Variants in SDC2 observed in about 807,000 individuals in gnomAD.
The protein encoded by SDC2 is syndecan 2, also known as syndecan-2.
SDC2 carries 13 observed loss-of-function variants against 22.2 expected under a neutral mutation model. That is an observed-to-expected ratio of 0.59 (90% confidence interval 0.38 to 0.93). SDC2 has a LOEUF of 0.93. Ranked by LOEUF, SDC2 falls within the 40% of genes least tolerant of loss-of-function variation. SDC2 has a pLI of 0.00. For synonymous variants in SDC2, 94 were observed against 92.8 expected, an observed-to-expected ratio of 1.01 and a Z score of -0.07; for missense variants, 235 against 246.8, an observed-to-expected ratio of 0.95 and a Z score of 0.32.
chr8:96,547,017 T>A lies in SDC2; in HGVS notation c.61-46463T>A, dbSNP rs575749119. 5.3e-5 allele frequency among the ~76,000 whole-genome samples: 8 copies of A among 152,344 alleles called. No homozygotes were observed. The East Asian group carries it at 1.4e-3, about 26-fold the overall frequency. On this transcript the variant is annotated intron_variant, in intron 1 of 4. Transcript: ENST00000302190. ...GAGCAAAGCTTTTCTGAACTGGCATTTTCCACTCAGCCTGTAGGCTGCTGT... is the reference window on the plus strand; with the variant it reads ...GAGCAAAGCTTTTCTGAACTGGCATATTCCACTCAGCCTGTAGGCTGCTGT...
chr8:96,505,491 AG>A (rs765780705), intron 1 of SDC2, among the ~76,000 whole-genome samples: 3 of 152,072 alleles, frequency 2.0e-5, no homozygotes, highest in Non-Finnish European at 2.9e-5. Flanking sequence ...TAGTAGAGAC[AG>A]GGTTTCACCA....
At chr8:96,589,229 G>T (rs1814736114) in intron 1 of SDC2, among the ~76,000 whole-genome samples, 1 of 152,104 alleles carries the variant, frequency 6.6e-6, no homozygotes, top group Admixed American at 6.5e-5. Context: ...TCCTCTTAGG[G>T]GTATAATACG....
At chr8:96,512,019 G>A (rs1459979785) in intron 1 of SDC2, among the ~76,000 whole-genome samples, 1 of 152,182 alleles carries the variant, frequency 6.6e-6, no homozygotes, top group African/African-American at 2.4e-5. Context: ...GTTCTTACCT[G>A]CTGGTCCAAG....
chr8:96,537,952 T>TGTTTG (rs55762050), intron 1 of SDC2, among the ~76,000 whole-genome samples: 5,417 of 150,890 alleles, frequency 0.036, 167 homozygotes, highest in African/African-American at 0.076. Context: ...ATGTTTTGTT[T>TGTTTG]TTTGTTTGTT....
chr8:96,509,884 C>G (rs1813302874), intron 1 of SDC2, among the ~76,000 whole-genome samples: 1 of 152,320 alleles, frequency 6.6e-6, no homozygotes, highest in Middle Eastern at 3.4e-3. Flanking sequence ...TCCCTTCCAG[C>G]TTTTTCCTTT....
intron 1 of SDC2, among the ~76,000 whole-genome samples, chr8:96,544,089 G>A (rs1470707660): frequency 6.6e-6 from 1 of 152,082 alleles, no homozygotes; most frequent in Non-Finnish European, 1.5e-5. Flanking sequence ...TAGATGTCTT[G>A]CCCAGTAAGT....
In SDC2 at chr8:96,565,757, A is replaced by G. The variant is rs112150111; in HGVS notation, c.61-27723A>G. ...ATCTGATTGGAAAGGCTGGGTAGAT[A>G]ACTGCAATAAAGAGATTGAATGTAA... On this transcript the variant is annotated intron_variant, in intron 1 of 4. Transcript: ENST00000302190. Among the ~76,000 whole-genome samples, 759 of 152,206 alleles carry G rather than the reference A, an allele frequency of 5.0e-3. 5 individuals carry two copies. Among genetic ancestry groups the G allele is most frequent in the African/African-American group, 0.017 (711 of 41,518 alleles).
chr8:96,549,537 C>A (rs1006239587), intron 1 of SDC2, among the ~76,000 whole-genome samples: 2 of 152,102 alleles, frequency 1.3e-5, no homozygotes, highest in African/African-American at 4.8e-5. Context: ...ACCAATTTGG[C>A]CCCTAATAGG....
In SDC2 at chr8:96,494,177, G is replaced by C. The variant is rs1813009074; in HGVS notation, c.-95G>C. 12 of 1,326,006 alleles carry C rather than the reference G, an allele frequency of 9.0e-6. No homozygotes were observed. The East Asian group carries it at 3.1e-4, about 34-fold the overall frequency. The allele number at this position is 1,326,006 out of a possible 1,614,324, so 82.1% of individuals were successfully genotyped here. ...GCAATCGCTGCGGTACTCTGCTCCG[G>C]ATTCGTGTGCGCGGGCTGCGCCGAG... On this transcript the variant is annotated 5_prime_UTR_variant, in exon 1 of 5. Transcript: ENST00000302190.
intron 1 of SDC2, among the ~76,000 whole-genome samples, chr8:96,542,041 C>T (rs1321495516): frequency 2.0e-5 from 3 of 152,060 alleles, no homozygotes; most frequent in Non-Finnish European, 2.9e-5. Context: ...ATGCTCTGGT[C>T]CTCAGTGCAG....
At chr8:96,528,272 T>A (rs1459113027) in intron 1 of SDC2, among the ~76,000 whole-genome samples, 1 of 152,198 alleles carries the variant, frequency 6.6e-6, no homozygotes, top group African/African-American at 2.4e-5. Flanking sequence ...AAAGAGGATT[T>A]TTTTTAAGCC....
At chr8:96,575,718 G>A (rs1489371347) in intron 1 of SDC2, among the ~76,000 whole-genome samples, 2 of 152,078 alleles carry the variant, frequency 1.3e-5, no homozygotes, top group Admixed American at 1.3e-4. Context: ...TTTCCTGGGG[G>A]TAATATCTAA....
chr8:96,540,296 A>G (rs570227165), intron 1 of SDC2, among the ~76,000 whole-genome samples: 1 of 149,552 alleles, frequency 6.7e-6, no homozygotes, highest in African/African-American at 2.4e-5. Context: ...GTTCAAGACC[A>G]GCTTGGGCAA....
intron 1 of SDC2, among the ~76,000 whole-genome samples, chr8:96,572,982 C>T (rs967424184): frequency 3.3e-5 from 5 of 152,156 alleles, no homozygotes; most frequent in East Asian, 1.9e-4. Context: ...AGTTATGACA[C>T]GGACCAGGAA....
chr8:96,517,866 G>A (rs933663164), intron 1 of SDC2, among the ~76,000 whole-genome samples: 3 of 151,738 alleles, frequency 2.0e-5, no homozygotes, highest in Non-Finnish European at 2.9e-5. Flanking sequence ...AGGTGATTAG[G>A]GAAATGGACA....
chr8:96,565,084 A>T (rs369092814), intron 1 of SDC2, among the ~76,000 whole-genome samples: 101 of 67,804 alleles, frequency 1.5e-3, no homozygotes, highest in South Asian at 2.2e-3. Context: ...CCTAAATTTG[A>T]TTTTTTTTTT....
intron 1 of SDC2, among the ~76,000 whole-genome samples, chr8:96,527,216 G>A (rs1377051551): frequency 6.6e-6 from 1 of 150,592 alleles, no homozygotes; most frequent in Non-Finnish European, 1.5e-5. Context: ...ACAGGTTTGG[G>A]AGCTTCATTA....
chr8:96,572,248 T>C (rs958102848), intron 1 of SDC2, among the ~76,000 whole-genome samples: 1 of 152,122 alleles, frequency 6.6e-6, no homozygotes, highest in African/African-American at 2.4e-5. Context: ...TGGTGGAAAA[T>C]GTTTGTTCAT....
intron 1 of SDC2, among the ~76,000 whole-genome samples, chr8:96,517,278 GGT>G (rs1363154205): frequency 6.6e-6 from 1 of 152,100 alleles, no homozygotes; most frequent in Non-Finnish European, 1.5e-5. Flanking sequence ...CTATTCTGTG[GGT>G]TGTCTTTTCA....
Sources: allele counts gnomAD v4.1 joint callset (sites outside exome capture counted in the v4.1 genomes callset), GRCh38; gene constraint gnomAD v4.1.1; transcripts MANE v1.5; gene names NCBI Gene and HGNC (gene_info 2026-07-23, HGNC 2026-07-21).